Variants in TMEM232 observed in about 807,000 individuals in gnomAD.
The protein encoded by TMEM232 is transmembrane protein 232.
A neutral mutation model predicts 78.8 loss-of-function variants in TMEM232; 80 were observed. The ratio of observed to expected loss-of-function variants is 1.01; its 90% CI spans 0.85 to 1.22. TMEM232 has a LOEUF of 1.22. Among genes scored for constraint, TMEM232 ranks in the 50% most tolerant of loss-of-function variants. The probability of loss-of-function intolerance (pLI) is 0.00; values close to 1 mark genes in which losing one functional copy is unlikely to be tolerated. For synonymous variants in TMEM232, 297 were observed against 254.3 expected (o/e 1.17, Z -1.60); for missense variants, 881 against 742.2 (o/e 1.19, Z -2.17).
At chr5:110,521,788 G>A (rs575292128) in intron 12 of TMEM232, among the ~76,000 whole-genome samples, 4 of 152,088 alleles carry the variant, frequency 2.6e-5, no homozygotes, top group South Asian at 4.2e-4. Context: ...ATTTATTTCT[G>A]GTCCCTCTAT....
intron 11 of TMEM232, among the ~76,000 whole-genome samples, chr5:110,530,096 T>A (rs1182171740): frequency 2.6e-5 from 4 of 152,212 alleles, no homozygotes; most frequent in African/African-American, 9.7e-5. Context: ...ACTTAACCTC[T>A]TTCAGGTTCC....
chr5:110,441,161 A>T (rs180884235), intron 12 of TMEM232, among the ~76,000 whole-genome samples: 1 of 152,092 alleles, frequency 6.6e-6, no homozygotes, highest in Non-Finnish European at 1.5e-5. Context: ...ATTTGGGCTT[A>T]GATACTGCTT....
upstream of TMEM232, among the ~76,000 whole-genome samples, chr5:110,730,158 C>G (rs1798540729): frequency 6.6e-6 from 1 of 150,812 alleles, no homozygotes. Flanking sequence ...AGCTTCAGTC[C>G]TCCAGTTGCT....
intron 2 of TMEM232, among the ~76,000 whole-genome samples, chr5:110,655,914 G>C (rs866883358): frequency 1.9e-5 from 2 of 107,540 alleles, no homozygotes; most frequent in Admixed American, 1.1e-4. Context: ...TGTGGGGTGG[G>C]GGGAGGGGGG....
Position 110,499,627 on chromosome 5 carries a change from A to AC in TMEM232, c.1703+28960dup, listed in dbSNP as rs140788823. 3.1e-3 allele frequency among the ~76,000 whole-genome samples: 367 copies of AC among 119,490 alleles called. 5 individuals carry two copies. Among genetic ancestry groups the AC allele is most frequent in the East Asian group, 6.7e-3 (24 of 3,576 alleles). The allele number at this position is 119,490 out of a possible 152,430, so 78.4% of individuals were successfully genotyped here. ...AGAGAGGGGAAAAATATATGTATACACCCCCCCCCACACACACACATATAT... is the reference window on the plus strand; with the variant it reads ...AGAGAGGGGAAAAATATATGTATACACCCCCCCCCCACACACACACATATAT... On this transcript the variant is annotated intron_variant, in intron 12 of 13. Transcript: ENST00000455884.
At chr5:110,520,919 A>G (rs1228671593) in intron 12 of TMEM232, among the ~76,000 whole-genome samples, 1 of 147,034 alleles carries the variant, frequency 6.8e-6, no homozygotes, top group African/African-American at 2.6e-5. Context: ...ACTCCATTTC[A>G]AAAAATAATA....
intron 2 of TMEM232, among the ~76,000 whole-genome samples, chr5:110,733,594 A>G (rs1798887702): frequency 6.6e-6 from 1 of 152,226 alleles, no homozygotes; most frequent in African/African-American, 2.4e-5. Flanking sequence ...AGAAAACAAA[A>G]TACCGCATGT....
At chr5:110,597,693 C>A (rs1372750239) in intron 10 of TMEM232, among the ~76,000 whole-genome samples, 5 of 151,450 alleles carry the variant, frequency 3.3e-5, no homozygotes, top group Admixed American at 2.6e-4. Flanking sequence ...AGAACAGAGC[C>A]CTCAGAAATA....
chr5:110,738,523 A>T (rs1399243113), upstream of TMEM232, among the ~76,000 whole-genome samples: 1 of 152,060 alleles, frequency 6.6e-6, no homozygotes, highest in Non-Finnish European at 1.5e-5. Flanking sequence ...TTTCGCGTTC[A>T]CTGGGCGGTA....
intron 12 of TMEM232, among the ~76,000 whole-genome samples, chr5:110,506,919 T>A (rs1267721900): frequency 6.6e-6 from 1 of 152,180 alleles, no homozygotes; most frequent in Admixed American, 6.5e-5. Flanking sequence ...TTTTCTGTCT[T>A]CCAGCCAAAT....
chr5:110,474,537 T>C (rs185455322), intron 12 of TMEM232, among the ~76,000 whole-genome samples: 158 of 151,984 alleles, frequency 1.0e-3, no homozygotes, highest in Non-Finnish European at 1.9e-3. Context: ...TCTATCTAAC[T>C]ATAAATTAGA....
chr5:110,427,938 C>G (rs1033001131), intron 12 of TMEM232, among the ~76,000 whole-genome samples: 2 of 151,782 alleles, frequency 1.3e-5, no homozygotes, highest in African/African-American at 4.8e-5. Context: ...ATAATCACAT[C>G]ATAGAGAATG....
intron 12 of TMEM232, among the ~76,000 whole-genome samples, chr5:110,489,177 G>A (rs1020147553): frequency 1.3e-5 from 2 of 151,590 alleles, no homozygotes; most frequent in East Asian, 3.9e-4. Context: ...AATTCTATGA[G>A]GCTAGTATTT....
intron 12 of TMEM232, among the ~76,000 whole-genome samples, chr5:110,510,952 G>A (rs111335501): frequency 0.014 from 2,162 of 152,094 alleles, 44 homozygotes; most frequent in African/African-American, 0.049. Context: ...GGGTATATAC[G>A]CAAAGGATTA....
At chr5:110,471,690 G>C (rs975815985) in intron 12 of TMEM232, among the ~76,000 whole-genome samples, 4 of 151,234 alleles carry the variant, frequency 2.6e-5, no homozygotes, top group Non-Finnish European at 4.4e-5. Context: ...CTTCATTAAT[G>C]AGAAAGGAGA....
chr5:110,407,972 G>A (rs965409932), intron 2 of TMEM232, among the ~76,000 whole-genome samples: 1 of 151,956 alleles, frequency 6.6e-6, no homozygotes, highest in Non-Finnish European at 1.5e-5. Flanking sequence ...GCATGCTCCT[G>A]AACAGCCAAT....
At chr5:110,409,930 C>A (rs1037347175) in intron 2 of TMEM232, among the ~76,000 whole-genome samples, 2 of 152,196 alleles carry the variant, frequency 1.3e-5, no homozygotes, top group Non-Finnish European at 2.9e-5. Context: ...CTAACTAAAG[C>A]CCCATCCCCT....
chr5:110,691,989 C>T (rs1018221493), intron 1 of TMEM232, among the ~76,000 whole-genome samples: 2 of 152,046 alleles, frequency 1.3e-5, no homozygotes, highest in South Asian at 4.1e-4. Flanking sequence ...GGCGTGATCT[C>T]GGCTCACTGC....
intron 2 of TMEM232, among the ~76,000 whole-genome samples, chr5:110,407,939 T>G (rs371958196): frequency 1.5e-3 from 235 of 152,092 alleles, no homozygotes; most frequent in South Asian, 9.8e-3. Flanking sequence ...TCTTGGAAAA[T>G]ACACAACCTT....
Sources: gnomAD v4.1 joint callset for allele counts (sites outside exome capture counted in the v4.1 genomes callset) on GRCh38, gnomAD v4.1.1 for gene constraint, MANE v1.5 for transcripts, NCBI Gene and HGNC (gene_info 2026-07-23, HGNC 2026-07-21) for gene names.